The following CHRDL1 variants were observed in gnomAD, a reference collection of about 807,000 sequenced individuals.
CHRDL1 encodes chordin-like protein 1.
In CHRDL1, 19 loss-of-function variants were observed where a neutral mutation model predicts 40.9. The ratio of observed to expected loss-of-function variants is 0.46; its 90% CI spans 0.32 to 0.68. The LOEUF (loss-of-function observed/expected upper bound fraction) is 0.68, where lower values mean the gene tolerates loss of function less well. Ranked by LOEUF, CHRDL1 falls within the 30% of genes least tolerant of loss-of-function variation. The pLI is 0.03. For missense variants in CHRDL1, 329 were observed against 352.1 expected (o/e 0.93, Z 0.53); for synonymous variants, 136 against 123.4 (o/e 1.10, Z -0.68).
chrX:110,775,753 C>G lies in CHRDL1; in HGVS notation c.95-12946G>C, dbSNP rs574982817. Among the ~76,000 whole-genome samples, 18 of 110,144 alleles carry G rather than the reference C, an allele frequency of 1.6e-4. No homozygotes were observed. In the South Asian group the frequency reaches 6.5e-3, roughly 40 times the overall value. The stretch of plus-strand genomic sequence containing the variant: ...TTAATATTGACCGTATTTGCAATGA[C>G]TTTCTATTCATTGCCCTAGTTTTTT... On this transcript the variant is annotated intron_variant, in intron 2 of 11. Coordinates refer to ENST00000372042, the MANE Select transcript of CHRDL1 (RefSeq NM_001143981.2).
At chrX:110,756,542 T>C (rs1432364771) in intron 4 of CHRDL1, among the ~76,000 whole-genome samples, 8 of 111,234 alleles carry the variant, frequency 7.2e-5, no homozygotes, top group Non-Finnish European at 1.5e-4. Context: ...CAGAGACTAG[T>C]AGTGCACAAG....
intron 2 of CHRDL1, among the ~76,000 whole-genome samples, chrX:110,765,580 T>G (rs1186460290): frequency 2.7e-5 from 3 of 112,112 alleles, no homozygotes; most frequent in African/African-American, 9.7e-5. Flanking sequence ...TGTTTTTGTT[T>G]GCTTTGCTGA....
intron 6 of CHRDL1, among the ~76,000 whole-genome samples, chrX:110,712,505 G>A (rs1424703509): frequency 9.0e-6 from 1 of 111,353 alleles, no homozygotes; most frequent in Non-Finnish European, 1.9e-5. Flanking sequence ...TTCACAGAGG[G>A]TCTTTAAAAA....
intron 4 of CHRDL1, among the ~76,000 whole-genome samples, chrX:110,732,066 G>A (rs2071174558): frequency 9.1e-6 from 1 of 110,486 alleles, no homozygotes; most frequent in Non-Finnish European, 1.9e-5. Context: ...TCAGAGCGGA[G>A]CGGGCCTGAA....
intron 10 of CHRDL1, among the ~76,000 whole-genome samples, chrX:110,680,867 A>T (rs2069881244): frequency 2.7e-5 from 3 of 111,848 alleles, no homozygotes; most frequent in Non-Finnish European, 3.8e-5. Context: ...AAAGGAATTG[A>T]ACATTGTGAC....
chrX:110,742,501 A>G (rs1045688098), intron 4 of CHRDL1, among the ~76,000 whole-genome samples: 2 of 112,526 alleles, frequency 1.8e-5, no homozygotes, highest in African/African-American at 6.5e-5. Context: ...CAACAGAAAG[A>G]CCTCAGAGAA....
intron 4 of CHRDL1, among the ~76,000 whole-genome samples, chrX:110,731,883 A>G (rs1176003227): frequency 9.0e-6 from 1 of 110,828 alleles, no homozygotes; most frequent in Admixed American, 9.6e-5. Context: ...GGAGTTAGAT[A>G]GTGGTGATGG....
Position 110,675,963 on chromosome X carries a change from T to A in CHRDL1, c.*268A>T, listed in dbSNP as rs761186984. 6.5e-5 allele frequency: 15 copies of A among 232,353 alleles called. No homozygotes were observed. Among genetic ancestry groups the A allele is most frequent in the Non-Finnish European group, 8.4e-5 (11 of 130,541 alleles). 19.1% of individuals were successfully genotyped at this position (232,353 alleles called of 1,213,427 possible). A position where few individuals can be genotyped will look rare whatever the true frequency, so the allele number is the denominator to read the frequency against. The stretch of plus-strand genomic sequence containing the variant: ...TCTTTAACCTGTAAAGAAATGTGAT[T>A]CTCCAAGAAACTAGAGCAGTGTTGT... On this transcript the variant is annotated 3_prime_UTR_variant, in exon 12 of 12. Transcript: ENST00000372042.
intron 9 of CHRDL1, among the ~76,000 whole-genome samples, chrX:110,683,110 G>A (rs921944321): frequency 1.8e-5 from 2 of 112,337 alleles, no homozygotes; most frequent in Non-Finnish European, 3.8e-5. Context: ...GGCAGTACCT[G>A]TAATATGCTA....
At position 110,731,612 on chromosome X, in the gene CHRDL1, T is replaced by C. The variant is rs148616583; in HGVS notation, c.302-10082A>G. 4.7e-3 allele frequency among the ~76,000 whole-genome samples: 523 copies of C among 111,935 alleles called. 5 individuals carry two copies. Among genetic ancestry groups the C allele is most frequent in the African/African-American group, 0.016 (478 of 30,751 alleles). ...ATGCAAATGTCCATCAGTAGATGAATGGATGAACAAAATATGGTATATCCA... is the reference window on the plus strand; with the variant it reads ...ATGCAAATGTCCATCAGTAGATGAACGGATGAACAAAATATGGTATATCCA... On this transcript the variant is annotated intron_variant, in intron 4 of 11. Transcript: ENST00000372042.
intron 2 of CHRDL1, among the ~76,000 whole-genome samples, chrX:110,779,025 C>G (rs1161813404): frequency 9.0e-6 from 1 of 111,289 alleles, no homozygotes; most frequent in Non-Finnish European, 1.9e-5. Context: ...CATGTTCTGA[C>G]TTATAAGTGA....
At chrX:110,789,841 T>C (rs1448752708) in intron 2 of CHRDL1, among the ~76,000 whole-genome samples, 1 of 111,909 alleles carries the variant, frequency 8.9e-6, no homozygotes, top group African/African-American at 3.2e-5. Context: ...TTCATGTTGT[T>C]TTGTATAATA....
intron 2 of CHRDL1, among the ~76,000 whole-genome samples, chrX:110,781,628 T>C (rs1347405792): frequency 9.0e-6 from 1 of 111,219 alleles, no homozygotes. Flanking sequence ...AGAAAGGGGA[T>C]AATAAAAGAT....
chrX:110,716,560 T>C (rs1333445800), intron 6 of CHRDL1, among the ~76,000 whole-genome samples: 1 of 110,946 alleles, frequency 9.0e-6, no homozygotes, highest in Non-Finnish European at 1.9e-5. Flanking sequence ...CAGGTTTACT[T>C]CTAGTTTGCA....
At chrX:110,707,623 C>T (rs1329124904) in intron 6 of CHRDL1, among the ~76,000 whole-genome samples, 1 of 111,900 alleles carries the variant, frequency 8.9e-6, no homozygotes, top group Non-Finnish European at 1.9e-5. Flanking sequence ...CCCTTCCTTA[C>T]ACCTCATGCA....
intron 4 of CHRDL1, among the ~76,000 whole-genome samples, chrX:110,725,962 C>A (rs1157297647): frequency 9.0e-6 from 1 of 111,292 alleles, no homozygotes; most frequent in Admixed American, 9.6e-5. Context: ...AGGTTATAGT[C>A]CCTTTAATTG....
At chrX:110,790,458 T>A (rs774024017) in intron 2 of CHRDL1, among the ~76,000 whole-genome samples, 44 of 111,785 alleles carry the variant, frequency 3.9e-4, no homozygotes, top group African/African-American at 1.4e-3. Context: ...TCTTCATAAA[T>A]ATGAAAGGCT....
chrX:110,764,433 T>C (rs1602394145), intron 2 of CHRDL1, among the ~76,000 whole-genome samples: 1 of 112,202 alleles, frequency 8.9e-6, no homozygotes, highest in East Asian at 2.8e-4. Context: ...CAAACAATAC[T>C]TTCATAATTT....
intron 11 of CHRDL1, among the ~76,000 whole-genome samples, chrX:110,678,104 A>C (rs2069817521): frequency 9.0e-6 from 1 of 111,649 alleles, no homozygotes; most frequent in African/African-American, 3.3e-5. Flanking sequence ...AAAAATAAAA[A>C]AATAAATAAA....
Sources: gnomAD v4.1 joint callset for allele counts (sites outside exome capture counted in the v4.1 genomes callset) on GRCh38, gnomAD v4.1.1 for gene constraint, MANE v1.5 for transcripts, NCBI Gene and HGNC (gene_info 2026-07-23, HGNC 2026-07-21) for gene names.